Variants in ADGRL2 observed in about 807,000 individuals in gnomAD.
ADGRL2 encodes the protein adhesion G protein-coupled receptor L2, also known as calcium-independent alpha-latrotoxin receptor 2.
Under a neutral mutation model 157.4 loss-of-function variants are expected in ADGRL2, and 44 were observed. That is an observed-to-expected ratio of 0.28 (90% CI 0.22 to 0.36). The LOEUF (loss-of-function observed/expected upper bound fraction) is 0.36, where lower values mean the gene tolerates loss of function less well. ADGRL2 is among the 10% of genes least tolerant of loss of function. The pLI, the probability that ADGRL2 is intolerant of heterozygous loss-of-function variation, is 1.00. For missense variants in ADGRL2, 1,510 were observed against 1,768.9 expected, an observed-to-expected ratio of 0.85 and a Z score of 2.63; for synonymous variants, 585 against 624.7, an observed-to-expected ratio of 0.94 and a Z score of 0.95.
intron 15 of ADGRL2, among the ~76,000 whole-genome samples, chr1:81,969,639 G>A (rs904647983): frequency 6.6e-6 from 1 of 152,044 alleles, no homozygotes; most frequent in Non-Finnish European, 1.5e-5. Context: ...TTTAATAGAA[G>A]AATGCTGAGG....
intron 4 of ADGRL2, among the ~76,000 whole-genome samples, chr1:81,938,658 G>A (rs531292909): frequency 5.9e-5 from 9 of 151,296 alleles, no homozygotes; most frequent in Admixed American, 2.0e-4. Flanking sequence ...AAGTCTATGG[G>A]TTTTTTTTAA....
At chr1:81,967,138 A>G (rs912472147) in intron 13 of ADGRL2, among the ~76,000 whole-genome samples, 24 of 152,304 alleles carry the variant, frequency 1.6e-4, no homozygotes, top group Non-Finnish European at 2.5e-4. Flanking sequence ...TGTCTACAGA[A>G]TGTTTGGCTG....
chr1:81,686,938 G>C (rs1272521152), intron 3 of ADGRL2, among the ~76,000 whole-genome samples: 2 of 152,114 alleles, frequency 1.3e-5, no homozygotes, highest in African/African-American at 4.8e-5. Flanking sequence ...CATTTGTGTG[G>C]TTTCGAAGGT....
At chr1:81,369,770 C>T (rs1413886307) in intron 1 of ADGRL2, among the ~76,000 whole-genome samples, 1 of 152,136 alleles carries the variant, frequency 6.6e-6, no homozygotes, top group Non-Finnish European at 1.5e-5. Context: ...AACAAGGCAT[C>T]ATTGAATTTG....
chr1:81,623,673 G>A (rs1481282507), intron 3 of ADGRL2, among the ~76,000 whole-genome samples: 2 of 121,034 alleles, frequency 1.7e-5, no homozygotes, highest in Admixed American at 1.1e-4. Flanking sequence ...GTCTTGCTCT[G>A]TCACCCAGGT....
intron 2 of ADGRL2, among the ~76,000 whole-genome samples, chr1:81,447,065 G>C (rs1185770216): frequency 6.6e-6 from 1 of 152,106 alleles, no homozygotes; most frequent in Admixed American, 6.5e-5. Context: ...TTTTATATTA[G>C]TCAACATAAA....
chr1:81,575,731 AT>A (rs2080785805), intron 2 of ADGRL2, among the ~76,000 whole-genome samples: 1 of 152,120 alleles, frequency 6.6e-6, no homozygotes. Context: ...ATATAGGAAT[AT>A]AATATAATTA....
rs1558024843 is a variant in ADGRL2, at chr1:81,970,596, T to TATCA, written c.2954+62_2954+63insATCA. On this transcript the variant is annotated intron_variant, in intron 16 of 23. Transcript: ENST00000686636. ...GAATAATTTTTTAAAGCCTGTTAGCTGTCAGTGAGGGTCCCTGACAGATTA... is the reference window on the plus strand; with the variant it reads ...GAATAATTTTTTAAAGCCTGTTAGCTATCAGTCAGTGAGGGTCCCTGACAGATTA... 152 of 1,274,600 alleles carry TATCA rather than the reference T, an allele frequency of 1.2e-4. 1 individual carries two copies. The African/African-American group carries it at 2.1e-3, about 17-fold the overall frequency. 79.0% of individuals were successfully genotyped at this position (1,274,600 alleles called of 1,614,324 possible). A position where few individuals can be genotyped will look rare whatever the true frequency, so the allele number is the denominator to read the frequency against.
intron 1 of ADGRL2, among the ~76,000 whole-genome samples, chr1:81,309,019 A>G (rs1385609776): frequency 6.6e-6 from 1 of 152,096 alleles, no homozygotes; most frequent in African/African-American, 2.4e-5. Context: ...GCTTTTACTG[A>G]GTACAGTTAA....
chr1:81,310,944 A>G (rs1188931686), intron 1 of ADGRL2, among the ~76,000 whole-genome samples: 1 of 151,970 alleles, frequency 6.6e-6, no homozygotes, highest in Non-Finnish European at 1.5e-5. Flanking sequence ...GTTAAAACTG[A>G]CCTACAACCA....
At chr1:81,506,582 C>T (rs2078980221) in intron 2 of ADGRL2, among the ~76,000 whole-genome samples, 1 of 151,950 alleles carries the variant, frequency 6.6e-6, no homozygotes, top group Admixed American at 6.6e-5. Context: ...TGTCAGTGCA[C>T]ACCTGTGGTC....
intron 10 of ADGRL2, among the ~76,000 whole-genome samples, chr1:81,953,278 G>A (rs1046218831): frequency 6.6e-6 from 1 of 151,986 alleles, no homozygotes; most frequent in Non-Finnish European, 1.5e-5. Context: ...CTCTTAATTG[G>A]AAAGTAATTA....
intron 1 of ADGRL2, among the ~76,000 whole-genome samples, chr1:81,347,337 G>A (rs999783247): frequency 1.1e-4 from 16 of 151,956 alleles, no homozygotes; most frequent in African/African-American, 3.4e-4. Flanking sequence ...GGAAGCAGAG[G>A]TTGCAGTGAG....
upstream of ADGRL2, among the ~76,000 whole-genome samples, chr1:81,795,737 T>C (rs756812886): frequency 6.6e-6 from 1 of 152,200 alleles, no homozygotes; most frequent in Non-Finnish European, 1.5e-5. Context: ...TGCTACTTGG[T>C]TATCTTTAAG....
At chr1:81,871,376 A>G (rs1304199652) in intron 2 of ADGRL2, among the ~76,000 whole-genome samples, 3 of 149,694 alleles carry the variant, frequency 2.0e-5, no homozygotes, top group African/African-American at 7.3e-5. Context: ...GCTGTAGTGA[A>G]TAGTGCTGCA....
intron 1 of ADGRL2, among the ~76,000 whole-genome samples, chr1:81,335,134 T>C (rs1661544299): frequency 6.6e-6 from 1 of 152,234 alleles, no homozygotes; most frequent in African/African-American, 2.4e-5. Flanking sequence ...GTTTGAATCT[T>C]ATAATTCTTC....
chr1:81,550,851 G>A (rs1318487882), intron 2 of ADGRL2, among the ~76,000 whole-genome samples: 1 of 151,744 alleles, frequency 6.6e-6, no homozygotes, highest in Non-Finnish European at 1.5e-5. Flanking sequence ...ATTCATTACT[G>A]CCTATATTCA....
At chr1:81,813,567 G>A (rs1360624205) in intron 1 of ADGRL2, among the ~76,000 whole-genome samples, 3 of 151,666 alleles carry the variant, frequency 2.0e-5, no homozygotes, top group Non-Finnish European at 3.0e-5. Context: ...TTTATACAGA[G>A]CATTTTTATA....
intron 1 of ADGRL2, among the ~76,000 whole-genome samples, chr1:81,329,123 A>G (rs1661103154): frequency 6.6e-6 from 1 of 152,082 alleles, no homozygotes; most frequent in Non-Finnish European, 1.5e-5. Context: ...CCCACTGTCT[A>G]ACTGCTCTGC....
Sources: gnomAD v4.1 joint callset for allele counts (sites outside exome capture counted in the v4.1 genomes callset) on GRCh38, gnomAD v4.1.1 for gene constraint, MANE v1.5 for transcripts, NCBI Gene and HGNC (gene_info 2026-07-23, HGNC 2026-07-21) for gene names.